Variants in KIF1B observed in about 807,000 individuals in gnomAD.
The protein encoded by KIF1B is kinesin family member 1B.
A neutral mutation model predicts 241.9 loss-of-function variants in KIF1B; 76 were observed. The ratio of observed to expected loss-of-function variants is 0.31; its 90% confidence interval spans 0.26 to 0.38. The LOEUF (loss-of-function observed/expected upper bound fraction) is 0.38. Among genes scored for constraint, KIF1B ranks in the 10% least tolerant of loss-of-function variants. KIF1B has a pLI of 1.00. For missense variants in KIF1B, 1,622 were observed against 2,271.4 expected (o/e 0.71, Z 5.81); for synonymous variants, 750 against 796.7 (o/e 0.94, Z 0.99).
In KIF1B at chr1:10,217,380, C is replaced by T. The variant is rs190343677; in HGVS notation, c.-80+6502C>T. Among the ~76,000 whole-genome samples the T allele has an allele frequency of 1.5e-3, 226 of 145,946 alleles. 1 individual carries two copies. Among genetic ancestry groups the T allele is most frequent in the African/African-American group, 5.6e-3 (224 of 39,784 alleles). ...TTTTTGAGACAGCCTTGCTGTGTCT[C>T]CCAGGCTGGGGTGCAGAGGCACAAT... On this transcript the variant is annotated intron_variant, in intron 1 of 48. Coordinates refer to ENST00000676179, the MANE Select transcript of KIF1B (RefSeq NM_001365951.3).
In KIF1B at chr1:10,257,550, A is replaced by G. The variant is rs17034618; in HGVS notation, c.184-943A>G. Reference sequence around the variant, plus strand: ...TACCAGTATTACGAAAATGCAGAGTAGGGCCCTTCCTGGTACCCTTACTCA... The same window carrying G: ...TACCAGTATTACGAAAATGCAGAGTGGGGCCCTTCCTGGTACCCTTACTCA... On this transcript the variant is annotated intron_variant, in intron 3 of 48. Transcript: ENST00000676179. Among the ~76,000 whole-genome samples, 1,413 of 152,140 alleles carry G rather than the reference A, an allele frequency of 9.3e-3. 23 individuals carry two copies. Among genetic ancestry groups the G allele is most frequent in the African/African-American group, 0.032 (1,329 of 41,506 alleles).
At chr1:10,306,260 A>G (rs1422291468) in intron 22 of KIF1B, 3 of 1,043,264 alleles carry the variant, frequency 2.9e-6, no homozygotes, top group Non-Finnish European at 3.5e-6. Flanking sequence ...GACATGGGTA[A>G]ATGATGTCTG....
chr1:10,305,421 A>G (rs1650780835), intron 22 of KIF1B: 2 of 1,055,544 alleles, frequency 1.9e-6, no homozygotes, highest in African/African-American at 1.7e-5. Context: ...ACACATGCAC[A>G]CAAAGTGAAC....
chr1:10,323,778 T>C, intron 24 of KIF1B, 106 bp from the exon 25 acceptor site: 2 of 883,944 alleles, frequency 2.3e-6, no homozygotes, highest in Non-Finnish European at 3.7e-6. Flanking sequence ...ACAAGATATT[T>C]GTTGAGCACA....
chr1:10,257,934 C>T (rs1458995816), intron 3 of KIF1B, among the ~76,000 whole-genome samples: 1 of 152,158 alleles, frequency 6.6e-6, no homozygotes, highest in Non-Finnish European at 1.5e-5. Flanking sequence ...GCCTTGGCCT[C>T]CCAGAGTGAT....
At chr1:10,331,120 G>C (rs1041811182) in intron 27 of KIF1B, among the ~76,000 whole-genome samples, 1 of 151,772 alleles carries the variant, frequency 6.6e-6, no homozygotes, top group Non-Finnish European at 1.5e-5. Context: ...GACATCAAAG[G>C]CATGAGGTGT....
At chr1:10,367,075 G>A (rs1638597104) in intron 43 of KIF1B, among the ~76,000 whole-genome samples, 1 of 152,026 alleles carries the variant, frequency 6.6e-6, no homozygotes, top group African/African-American at 2.4e-5. Context: ...GTAATCTGAT[G>A]AGAAATGATA....
At chr1:10,274,774 G>T (rs1307974671) in intron 10 of KIF1B, 1 of 114,752 alleles carries the variant, frequency 8.7e-6, no homozygotes, top group East Asian at 2.9e-4. Flanking sequence ...CACAAGATTA[G>T]TATTTTCCCC....
intron 22 of KIF1B, chr1:10,308,495 G>A (rs931922552): frequency 1.9e-6 from 2 of 1,032,778 alleles, no homozygotes; most frequent in African/African-American, 3.4e-5. Flanking sequence ...AATGCTTGAA[G>A]ATTGTCTTTG....
chr1:10,227,335 C>G (rs936479520), intron 1 of KIF1B, among the ~76,000 whole-genome samples: 1 of 152,150 alleles, frequency 6.6e-6, no homozygotes, highest in Non-Finnish European at 1.5e-5. Context: ...GCCTGGCCCA[C>G]AAGCCCAGGG....
chr1:10,352,609 T>G, intron 37 of KIF1B, 22 bp from the exon 38 acceptor site: 1 of 1,583,346 alleles, frequency 6.3e-7, no homozygotes, highest in Non-Finnish European at 8.7e-7. Context: ...CCGTGCTCTG[T>G]TTTTTTTATC....
intron 39 of KIF1B, among the ~76,000 whole-genome samples, chr1:10,361,330 GT>G (rs1484987019): frequency 6.6e-6 from 1 of 152,156 alleles, no homozygotes; most frequent in Non-Finnish European, 1.5e-5. Flanking sequence ...GTCACCTCTT[GT>G]TTTTGTAGTT....
At chr1:10,302,605 A>G (rs1317360856) in intron 22 of KIF1B, among the ~76,000 whole-genome samples, 1 of 152,182 alleles carries the variant, frequency 6.6e-6, no homozygotes, top group East Asian at 1.9e-4. Flanking sequence ...CTGGCGTCCT[A>G]CAGCCTTACT....
chr1:10,325,997 T>C, intron 26 of KIF1B, 114 bp from the exon 27 acceptor site: 1 of 1,380,104 alleles, frequency 7.2e-7, no homozygotes, highest in Non-Finnish European at 1.0e-6. Flanking sequence ...TCCATTTGCT[T>C]TTATTGTGTT....
intron 40 of KIF1B, 90 bp from the exon 41 acceptor site, chr1:10,363,193 G>T: frequency 1.1e-6 from 1 of 951,192 alleles, no homozygotes; most frequent in South Asian, 1.3e-5. Context: ...AGTCCCTGCA[G>T]AGAAGACACT....
At chr1:10,371,647 A>G (rs990142948) in intron 45 of KIF1B, among the ~76,000 whole-genome samples, 2 of 152,234 alleles carry the variant, frequency 1.3e-5, no homozygotes, top group Non-Finnish European at 2.9e-5. Flanking sequence ...TATGTAGGTA[A>G]GAAAAATAAA....
chr1:10,278,929 T>C, intron 13 of KIF1B, 168 bp from the exon 14 acceptor site: 2 of 506,086 alleles, frequency 4.0e-6, no homozygotes, highest in Non-Finnish European at 7.2e-6. Context: ...TTCTTCTTAT[T>C]GATTAGAGTC....
At chr1:10,373,062 G>A (rs1359509832) in intron 45 of KIF1B, among the ~76,000 whole-genome samples, 1 of 151,400 alleles carries the variant, frequency 6.6e-6, no homozygotes, top group Admixed American at 6.6e-5. Context: ...TGATCCACCC[G>A]CCTCGACCTC....
intron 2 of KIF1B, among the ~76,000 whole-genome samples, chr1:10,252,547 G>A (rs544374855): frequency 1.3e-5 from 2 of 151,494 alleles, no homozygotes; most frequent in Non-Finnish European, 2.9e-5. Context: ...GAGTAGCTGG[G>A]AGTGCAGGCA....
Sources: gnomAD v4.1 joint callset for allele counts (sites outside exome capture counted in the v4.1 genomes callset) on GRCh38, gnomAD v4.1.1 for gene constraint, MANE v1.5 for transcripts, NCBI Gene and HGNC (gene_info 2026-07-23, HGNC 2026-07-21) for gene names.